PIEZO2: variants seen among roughly 807,000 people sequenced by gnomAD.
PIEZO2 encodes piezo type mechanosensitive ion channel component 2.
PIEZO2 carries 172 observed loss-of-function variants against 337.3 expected under a neutral mutation model. The observed-to-expected ratio is 0.51, with a 90% CI of 0.45 to 0.58. The LOEUF (loss-of-function observed/expected upper bound fraction) is 0.58. PIEZO2 is among the 20% of genes least tolerant of loss of function. The pLI is 0.00. For missense variants in PIEZO2, 3,028 were observed against 3,391.3 expected (o/e 0.89, Z 2.66); for synonymous variants, 1,251 against 1,228.5 (o/e 1.02, Z -0.38).
Position 10,752,658 on chromosome 18 carries a change from A to G in PIEZO2, c.4145T>C (p.Ile1382Thr), listed in dbSNP as rs1475344851. 1 of 1,537,246 alleles carries G rather than the reference A, an allele frequency of 6.5e-7. No individual in the cohort carries two copies. The highest frequency in any genetic ancestry group is 2.0e-5 in the Admixed American group (1 of 51,000). Residue 1382 changes from isoleucine (I) to threonine (T), a missense_variant, in exon 28 of 56, where the codon ATT (isoleucine) becomes ACT (threonine). Ile to Thr is a moderately conservative substitution (Grantham distance 89). Coordinates refer to ENST00000674853, the MANE Select transcript of PIEZO2 (RefSeq NM_001378183.1). ...DWLIAYNVFV[I>T]TMKNILSIGA... ...TACTGACAGGATATTTTTCATCGTAATCACAAAAACGTTGTATGCGATCAG... is the reference window on the plus strand; with the variant it reads ...TACTGACAGGATATTTTTCATCGTAGTCACAAAAACGTTGTATGCGATCAG...
chr18:10,695,784 A>G lies in PIEZO2; in HGVS notation c.7190+290T>C, dbSNP rs542181126. 7.2e-5 allele frequency among the ~76,000 whole-genome samples: 11 copies of G among 152,348 alleles called. No individual in the cohort carries two copies. The South Asian group carries it at 2.1e-3, about 29-fold the overall frequency. On this transcript the variant is annotated intron_variant, in intron 47 of 55. Coordinates refer to ENST00000674853, the MANE Select transcript of PIEZO2 (RefSeq NM_001378183.1). ...AAGGTGTAGAGAGAAACACAGCACAAATACCCTAGGTTTGTTCAGGTTATT... is the reference window on the plus strand; with the variant it reads ...AAGGTGTAGAGAGAAACACAGCACAGATACCCTAGGTTTGTTCAGGTTATT...
At position 11,038,023 on chromosome 18, in the gene PIEZO2, T is replaced by A. The variant is rs545115249; in HGVS notation, c.160+28104A>T. On this transcript the variant is annotated intron_variant, in intron 2 of 55. Coordinates refer to ENST00000674853, the MANE Select transcript of PIEZO2 (RefSeq NM_001378183.1). The surrounding 1 kb of genome is among the most constrained non-coding windows in gnomAD (Gnocchi z 4.1). ...ACACTTGTATGCATTTATGTCCACCTGGACTTCTGAGTTAAACAACAGTAG... is the reference window on the plus strand; with the variant it reads ...ACACTTGTATGCATTTATGTCCACCAGGACTTCTGAGTTAAACAACAGTAG... 6.6e-6 allele frequency among the ~76,000 whole-genome samples: 1 copy of A among 152,350 alleles called. No homozygotes were observed. The highest frequency in any genetic ancestry group is 2.1e-4 in the South Asian group (1 of 4,830).
intron 5 of PIEZO2, among the ~76,000 whole-genome samples, chr18:10,867,052 G>A (rs1359278563): frequency 2.0e-5 from 3 of 152,180 alleles, no homozygotes; most frequent in African/African-American, 7.2e-5. Flanking sequence ...CAACAACAAA[G>A]AAGGCTTTCC....
At chr18:10,741,199 T>C (rs986729357) in intron 32 of PIEZO2, 97 bp from the exon 33 acceptor site, 19 of 1,122,740 alleles carry the variant, frequency 1.7e-5, no homozygotes, top group African/African-American at 3.1e-5. Flanking sequence ...TCTAGGTAAA[T>C]TGCAAAAGTA....
At position 11,005,503 on chromosome 18, in the gene PIEZO2, A is replaced by C. The variant is rs554135638; in HGVS notation, c.161-25843T>G. 2.0e-5 allele frequency among the ~76,000 whole-genome samples: 3 copies of C among 152,340 alleles called. No homozygotes were observed. In the East Asian group the frequency reaches 5.8e-4, roughly 29 times the overall value. On this transcript the variant is annotated intron_variant, in intron 2 of 55. Coordinates refer to ENST00000674853, the MANE Select transcript of PIEZO2 (RefSeq NM_001378183.1). ...AGATTGAGGTTCAGAGCCTTGATCA[A>C]GGAGCGGTATCAGGGATGCTGGGGG...
intron 3 of PIEZO2, among the ~76,000 whole-genome samples, chr18:10,978,676 G>T (rs2034542892): frequency 6.6e-6 from 1 of 152,184 alleles, no homozygotes; most frequent in Non-Finnish European, 1.5e-5. Flanking sequence ...ACAGGGAAAA[G>T]CAAGTTTGCT....
chr18:11,129,012 T>C lies in PIEZO2; in HGVS notation c.64+19513A>G, dbSNP rs2040263475. 1.3e-5 allele frequency among the ~76,000 whole-genome samples: 2 copies of C among 152,048 alleles called. No individual in the cohort carries two copies. Among genetic ancestry groups the C allele is most frequent in the Admixed American group, 1.3e-4 (2 of 15,260 alleles). ...AGGTTCTAATAGTTTATTTGCTTGGTTGGTTAAAATGTGGATTAAAAGATG... is the reference window on the plus strand; with the variant it reads ...AGGTTCTAATAGTTTATTTGCTTGGCTGGTTAAAATGTGGATTAAAAGATG... On this transcript the variant is annotated intron_variant, in intron 1 of 55. Transcript: ENST00000674853. The surrounding 1 kb of genome is among the most constrained non-coding windows in gnomAD (Gnocchi z 4.6).
intron 36 of PIEZO2, among the ~76,000 whole-genome samples, 192 bp downstream of exon 36, chr18:10,731,215 A>ATATATATATATGTATATATATCTATC (rs1290190163): frequency 1.3e-4 from 17 of 128,716 alleles, no homozygotes; most frequent in African/African-American, 4.7e-4. Context: ...ATATATATAT[A>ATATATATATATGTATATATATCTATC]TATCTCCTAA....
chr18:10,698,373 A>T (rs1007078700), intron 44 of PIEZO2, among the ~76,000 whole-genome samples: 2 of 152,104 alleles, frequency 1.3e-5, no homozygotes, highest in Non-Finnish European at 2.9e-5. Flanking sequence ...AGCTTCAGAC[A>T]GGAGCCCCAT....
At chr18:10,721,720 C>A (rs139159371) in intron 36 of PIEZO2, among the ~76,000 whole-genome samples, 16 of 152,082 alleles carry the variant, frequency 1.1e-4, no homozygotes, top group Admixed American at 2.6e-4. Flanking sequence ...AAAACACACC[C>A]GAGAAGAAAG....
chr18:10,897,911 G>A (rs1017342513), intron 4 of PIEZO2, among the ~76,000 whole-genome samples: 3 of 152,104 alleles, frequency 2.0e-5, no homozygotes, highest in Non-Finnish European at 2.9e-5. Flanking sequence ...TAAAATACAC[G>A]GTCTTCAAAG....
At chr18:11,006,607 T>G (rs2035731404) in intron 2 of PIEZO2, among the ~76,000 whole-genome samples, 1 of 152,188 alleles carries the variant, frequency 6.6e-6, no homozygotes, top group South Asian at 2.1e-4. Flanking sequence ...GCATCTGCTA[T>G]GAAACACAGC....
At chr18:10,736,191 A>G (rs576211539) in intron 34 of PIEZO2, among the ~76,000 whole-genome samples, 1 of 152,330 alleles carries the variant, frequency 6.6e-6, no homozygotes, top group Admixed American at 6.5e-5. Flanking sequence ...TTAAATGATC[A>G]TTTGCTCCAC....
At chr18:10,963,623 T>G (rs2033880140) in intron 3 of PIEZO2, among the ~76,000 whole-genome samples, 1 of 152,168 alleles carries the variant, frequency 6.6e-6, no homozygotes. Flanking sequence ...CATGGTAGAG[T>G]GAGAGACAAA....
intron 5 of PIEZO2, among the ~76,000 whole-genome samples, chr18:10,860,545 G>C (rs16975504): frequency 0.018 from 2,719 of 152,192 alleles, 89 homozygotes; most frequent in African/African-American, 0.063. Flanking sequence ...ACACACAAAT[G>C]ACCTGCTCAT....
chr18:10,898,249 G>A (rs566208051), intron 4 of PIEZO2, among the ~76,000 whole-genome samples: 59 of 152,112 alleles, frequency 3.9e-4, no homozygotes, highest in Middle Eastern at 3.4e-3. Flanking sequence ...ATGAAACCCC[G>A]TCTCTACTAA....
intron 49 of PIEZO2, among the ~76,000 whole-genome samples, chr18:10,684,062 CTTCCTTCCTTCCTTT>C (rs2034399489): frequency 6.7e-6 from 1 of 148,632 alleles, no homozygotes; most frequent in African/African-American, 2.5e-5. Context: ...CCCTCCCTCC[CTTCCTTCCTTCCTTT>C]TTCCTTCCTT....
In PIEZO2 at chr18:10,862,828, T is replaced by A. The variant is rs1027207383; in HGVS notation, c.493-5617A>T. On this transcript the variant is annotated intron_variant, in intron 5 of 55. Transcript: ENST00000674853. This position sits in a 1 kb window ranked among gnomAD's most constrained non-coding sequence, Gnocchi z 4.4. Reference sequence around the variant, plus strand: ...CAACCACTGATCAATGAATTCTCCATAGGGGTTCAGCTGAATAGGCACAAT... The same window carrying A: ...CAACCACTGATCAATGAATTCTCCAAAGGGGTTCAGCTGAATAGGCACAAT... Among the ~76,000 whole-genome samples, 18 of 152,242 alleles carry A rather than the reference T, an allele frequency of 1.2e-4. No individual in the cohort carries two copies. Among genetic ancestry groups the A allele is most frequent in the African/African-American group, 4.3e-4 (18 of 41,466 alleles).
chr18:10,895,164 G>A lies in PIEZO2; in HGVS notation c.329+16022C>T, dbSNP rs2042860253. Among the ~76,000 whole-genome samples, 1 of 152,180 alleles carries A rather than the reference G, an allele frequency of 6.6e-6. No homozygotes were observed. The highest frequency in any genetic ancestry group is 1.5e-5 in the Non-Finnish European group (1 of 68,030). On this transcript the variant is annotated intron_variant, in intron 4 of 55. Coordinates refer to ENST00000674853, the MANE Select transcript of PIEZO2 (RefSeq NM_001378183.1). This position sits in a 1 kb window ranked among gnomAD's most constrained non-coding sequence, Gnocchi z 4.8. ...TTTGGTAGAAAGTCAACAGCCTCAT[G>A]GCCGAGCATGGTGGCTCATGCCTGT...
Sources: gnomAD v4.1 joint callset for allele counts (sites outside exome capture counted in the v4.1 genomes callset) on GRCh38, gnomAD v4.1.1 for gene constraint, Gnocchi (gnomAD v3.1) non-coding constraint, MANE v1.5 for transcripts, NCBI Gene and HGNC (gene_info 2026-07-23, HGNC 2026-07-21) for gene names.